Variants in IRAG2 observed in about 807,000 individuals in gnomAD.
IRAG2 encodes the protein lymphoid restricted membrane protein.
In IRAG2, 45 loss-of-function variants were observed where a neutral mutation model predicts 69.9. The observed-to-expected ratio is 0.64, with a 90% CI of 0.51 to 0.83. The LOEUF (loss-of-function observed/expected upper bound fraction) is 0.83, where lower values mean the gene tolerates loss of function less well. Ranked by LOEUF, IRAG2 falls within the 40% of genes least tolerant of loss-of-function variation. The pLI is 0.00. For synonymous variants in IRAG2, 193 were observed against 202.4 expected (o/e 0.95, Z 0.40); for missense variants, 520 against 587.0 (o/e 0.89, Z 1.18).
intron 15 of IRAG2, 31 bp from the exon 16 acceptor site, chr12:25,101,147 A>T: frequency 6.3e-7 from 1 of 1,580,928 alleles, no homozygotes; most frequent in Non-Finnish European, 8.6e-7. Flanking sequence ...AGTATTTTCA[A>T]TGTAAATGTG....
chr12:25,076,550 C>A, intron 6 of IRAG2: 1 of 984,750 alleles, frequency 1.0e-6, no homozygotes, highest in African/African-American at 1.7e-5. Context: ...ACTCTCTTTT[C>A]CCCAAACTGG....
intron 11 of IRAG2, among the ~76,000 whole-genome samples, chr12:25,089,184 C>T (rs1435038104): frequency 6.6e-6 from 1 of 152,150 alleles, no homozygotes; most frequent in Non-Finnish European, 1.5e-5. Context: ...TTTATTGTCA[C>T]TGTTATTGTT....
At chr12:25,019,223 G>A (rs1944556922) in intron 6 of IRAG2, among the ~76,000 whole-genome samples, 1 of 152,186 alleles carries the variant, frequency 6.6e-6, no homozygotes, top group East Asian at 1.9e-4. Context: ...TACTCTTTTA[G>A]CATTTGCCAT....
At chr12:25,044,409 G>C (rs545348501) in intron 16 of IRAG2, among the ~76,000 whole-genome samples, 1 of 152,184 alleles carries the variant, frequency 6.6e-6, no homozygotes, top group South Asian at 2.1e-4. Flanking sequence ...GCAGTAGTAA[G>C]TCCTTCCCTA....
chr12:25,026,939 G>A, intron 9 of IRAG2: 1 of 684,292 alleles, frequency 1.5e-6, no homozygotes, highest in Non-Finnish European at 2.0e-6. Flanking sequence ...AAATGTCTAT[G>A]CCTCATTGAC....
At chr12:25,094,711 G>A (rs980019558) in intron 14 of IRAG2, among the ~76,000 whole-genome samples, 1 of 125,348 alleles carries the variant, frequency 8.0e-6, no homozygotes, top group African/African-American at 2.8e-5. Flanking sequence ...AACACAGGGT[G>A]TCTTTCCATT....
intron 1 of IRAG2, among the ~76,000 whole-genome samples, chr12:25,056,209 C>T (rs1047794683): frequency 2.6e-5 from 4 of 152,026 alleles, no homozygotes; most frequent in East Asian, 1.9e-4. Context: ...AGATGAAAGC[C>T]GTGTCCTAAG....
At position 25,023,912 on chromosome 12, in the gene IRAG2, A is replaced by G. The variant is rs900291457; in HGVS notation, c.1374A>G (p.Leu458=). 5 of 1,227,690 alleles carry G rather than the reference A, an allele frequency of 4.1e-6. No homozygotes were observed. In the Admixed American group the frequency reaches 2.1e-4, roughly 52 times the overall value. The allele number at this position is 1,227,690 out of a possible 1,614,324, so 76.0% of individuals were successfully genotyped here. Residue 458 remains leucine (L), a synonymous_variant, in exon 8 of 39, where the codon CTA becomes CTG. Coordinates refer to the IRAG2 transcript ENST00000636465. ...CTCTGATTCTTAAGATTCGGATTCT[A>G]CAGGAAGAGGTATGTCAGAATCGTT...
chr12:25,004,460 A>C lies in IRAG2; in HGVS notation c.119A>C (p.Lys40Thr), dbSNP rs144965784. 2,803 of 1,232,174 alleles carry C rather than the reference A, an allele frequency of 2.3e-3. 13 individuals carry two copies. Among genetic ancestry groups the C allele is most frequent in the Admixed American group, 0.019 (440 of 23,706 alleles). The allele number at this position is 1,232,174 out of a possible 1,614,324, so 76.3% of individuals were successfully genotyped here. Residue 40 changes from lysine to threonine, a missense_variant, in exon 1 of 39, where the codon AAA (lysine) becomes ACA (threonine). Physicochemically the swap from Lys to Thr is moderately conservative, Grantham distance 78. Transcript: ENST00000636465. ...TCAAATCCAATTCAGCAGATTATCAAATACCAATCTAGCAGTTTTGATAGC... is the reference window on the plus strand; with the variant it reads ...TCAAATCCAATTCAGCAGATTATCACATACCAATCTAGCAGTTTTGATAGC...
In IRAG2 at chr12:25,083,468, G is replaced by C; in HGVS notation, c.290G>C (p.Ser97Thr). ...HDNIAFQDST[S>T]KDKTILNLEA... ...AATATTGCATTCCAAGACTCTACGA[G>C]TAAGGATAAAACCATATTAAATCTG... The change falls in exon 10 of 22, where the codon AGT becomes ACT. Residue 97 changes from serine to threonine, a missense_variant. Physicochemically the swap from Ser to Thr is moderately conservative, Grantham distance 58 (BLOSUM62 1). Transcript: ENST00000556887. 1 of 1,610,690 alleles carries C rather than the reference G, an allele frequency of 6.2e-7. No individual in the cohort carries two copies. Among genetic ancestry groups the C allele is most frequent in the Non-Finnish European group, 8.5e-7 (1 of 1,177,010 alleles).
intron 16 of IRAG2, among the ~76,000 whole-genome samples, chr12:25,101,706 G>A (rs542421068): frequency 9.2e-5 from 14 of 152,286 alleles, no homozygotes; most frequent in South Asian, 4.1e-4. Context: ...GATTCCTCAC[G>A]GAAGGAATGA....
At chr12:25,017,103 A>G (rs1381295766) in intron 5 of IRAG2, 1 of 1,229,736 alleles carries the variant, frequency 8.1e-7, no homozygotes, top group Non-Finnish European at 1.0e-6. Context: ...AGTGATGTGA[A>G]GGTTATTCTC....
rs11047793 is a variant in IRAG2, at chr12:25,058,838, A to G, written c.-446-2754A>G. Among the ~76,000 whole-genome samples, 209 of 152,346 alleles carry G rather than the reference A, an allele frequency of 1.4e-3. No individual in the cohort carries two copies. The East Asian group carries it at 0.032, about 23-fold the overall frequency. ...TTTTACTTCCTTCTATATGAAGCAT[A>G]TATTTGTTCTAGAGGCATTACAGGT... On this transcript the variant is annotated intron_variant, in intron 1 of 21. Coordinates refer to ENST00000556887, the MANE Select transcript of IRAG2 (RefSeq NM_001366544.2).
At chr12:25,089,948 T>C in intron 13 of IRAG2, 109 bp from the exon 14 acceptor site, 1 of 1,334,340 alleles carries the variant, frequency 7.5e-7, no homozygotes, top group Non-Finnish European at 1.1e-6. Flanking sequence ...AGCATTATGT[T>C]GCTGGGGGGA....
chr12:25,051,036 C>T (rs1944857275), upstream of IRAG2, among the ~76,000 whole-genome samples: 1 of 152,166 alleles, frequency 6.6e-6, no homozygotes, highest in Non-Finnish European at 1.5e-5. Context: ...TGAAGATGTT[C>T]TAGAGATCTG....
At chr12:25,064,467 G>A (rs969094890) in intron 4 of IRAG2, among the ~76,000 whole-genome samples, 4 of 152,134 alleles carry the variant, frequency 2.6e-5, no homozygotes, top group African/African-American at 9.7e-5. Flanking sequence ...TGGGTTGTGG[G>A]TCAAATTTAT....
At chr12:25,078,573 A>G (rs1946976766) in intron 6 of IRAG2, among the ~76,000 whole-genome samples, 1 of 152,244 alleles carries the variant, frequency 6.6e-6, no homozygotes, top group African/African-American at 2.4e-5. Flanking sequence ...AAATGAAACT[A>G]TGTTCTCACT....
chr12:25,047,128 C>A (rs1445996797), intron 16 of IRAG2, among the ~76,000 whole-genome samples: 1 of 151,994 alleles, frequency 6.6e-6, no homozygotes, highest in East Asian at 1.9e-4. Context: ...CATCCACAGA[C>A]AAAAGAATGA....
upstream of IRAG2, among the ~76,000 whole-genome samples, chr12:25,002,206 C>T (rs1944396719): frequency 6.6e-6 from 1 of 152,168 alleles, no homozygotes; most frequent in African/African-American, 2.4e-5. Context: ...TCTACCTTCC[C>T]CCTGGAGCAA....
Sources: allele counts gnomAD v4.1 joint callset (sites outside exome capture counted in the v4.1 genomes callset), GRCh38; gene constraint gnomAD v4.1.1; transcripts MANE v1.5; gene names NCBI Gene and HGNC (gene_info 2026-07-23, HGNC 2026-07-21).